Variants in DPYSL2 observed in about 807,000 individuals in gnomAD.
DPYSL2 encodes dihydropyrimidinase-related protein 2.
A neutral mutation model predicts 69.9 loss-of-function variants in DPYSL2; 13 were observed. The ratio of observed to expected loss-of-function variants is 0.19; its 90% confidence interval spans 0.12 to 0.30. The LOEUF (loss-of-function observed/expected upper bound fraction) is 0.30. Ranked by LOEUF, DPYSL2 falls within the 10% of genes least tolerant of loss-of-function variation. The pLI, the probability that DPYSL2 is intolerant of heterozygous loss-of-function variation, is 1.00. For missense variants in DPYSL2, 587 were observed against 918.9 expected, an observed-to-expected ratio of 0.64 and a Z score of 4.67; for synonymous variants, 326 against 359.1, an observed-to-expected ratio of 0.91 and a Z score of 1.04.
intron 3 of DPYSL2, among the ~76,000 whole-genome samples, chr8:26,622,468 G>GTA (rs1452771557): frequency 3.8e-5 from 4 of 104,526 alleles, no homozygotes; most frequent in African/African-American, 1.3e-4. Context: ...GTGTGTGTGT[G>GTA]TGTGTATATG....
At chr8:26,634,935 G>A in intron 8 of DPYSL2, 35 bp downstream of exon 8, 1 of 1,612,412 alleles carries the variant, frequency 6.2e-7, no homozygotes, top group Non-Finnish European at 8.5e-7. Flanking sequence ...GATGGCAGGT[G>A]GGGAGGTTTG....
rs1279597902 is a variant in DPYSL2 at position 26,598,837 on chromosome 8, G to C, written c.628+14854G>C. 6.6e-6 allele frequency among the ~76,000 whole-genome samples: 1 copy of C among 152,084 alleles called. No individual in the cohort carries two copies. The highest frequency in any genetic ancestry group is 1.5e-5 in the Non-Finnish European group (1 of 68,018). On this transcript the variant is annotated intron_variant, in intron 3 of 13. Transcript: ENST00000521913. This position sits in a 1 kb window ranked among gnomAD's most constrained non-coding sequence, Gnocchi z 4.2. Reference sequence around the variant, plus strand: ...TTCATTTTGCAGGCGGTGGGGGTGGGGGAATGAAAGCCCAGAAAGGGATGT... The same window carrying C: ...TTCATTTTGCAGGCGGTGGGGGTGGCGGAATGAAAGCCCAGAAAGGGATGT...
intron 3 of DPYSL2, among the ~76,000 whole-genome samples, chr8:26,606,558 C>G (rs1248956588): frequency 6.6e-6 from 1 of 151,942 alleles, no homozygotes. Flanking sequence ...AAAAAGCATG[C>G]TTTAATAGAA....
rs973182089 is a variant in DPYSL2, at chr8:26,654,970, T to C, written c.1943-645T>C. On this transcript the variant is annotated intron_variant, in intron 13 of 13. Transcript: ENST00000521913. This position sits in a 1 kb window ranked among gnomAD's most constrained non-coding sequence, Gnocchi z 5.0. ...GATCCTCCCAGCTCAGCCTCCCCAG[T>C]AGCTGGTACTACAGGCTTGCACCAT... 6.6e-6 allele frequency among the ~76,000 whole-genome samples: 1 copy of C among 152,062 alleles called. No homozygotes were observed.
intron 1 of DPYSL2, chr8:26,578,529 C>T (rs2129718294): frequency 7.1e-7 from 1 of 1,413,070 alleles, no homozygotes. Context: ...CGAAGGTAGC[C>T]TTAGGTAACG....
chr8:26,595,171 T>C (rs1181116673), intron 3 of DPYSL2, among the ~76,000 whole-genome samples: 1 of 152,038 alleles, frequency 6.6e-6, no homozygotes, highest in African/African-American at 2.4e-5. Flanking sequence ...TGCAGTGAGC[T>C]ATGATTGTGC....
intron 1 of DPYSL2, 122 bp from the exon 2 acceptor site, chr8:26,581,847 A>C (rs570959014): frequency 2.3e-5 from 18 of 771,190 alleles, no homozygotes; most frequent in Non-Finnish European, 3.6e-5. Context: ...GAACCTTTCC[A>C]AAATGGGCTT....
intron 1 of DPYSL2, among the ~76,000 whole-genome samples, chr8:26,572,208 A>G (rs1801247712): frequency 6.6e-6 from 1 of 152,256 alleles, no homozygotes; most frequent in Non-Finnish European, 1.5e-5. Context: ...CCACAGAAGC[A>G]GAAATGGCTA....
At chr8:26,655,588 C>T (rs372365005) in intron 13 of DPYSL2, 27 bp from the exon 14 acceptor site, 88 of 1,578,972 alleles carry the variant, frequency 5.6e-5, no homozygotes, top group African/African-American at 4.4e-4. Flanking sequence ...GCCCCTCACC[C>T]GCTCCTCTCT....
At chr8:26,575,712 TAAATAACA>T (rs954368997) in intron 1 of DPYSL2, among the ~76,000 whole-genome samples, 10 of 152,290 alleles carry the variant, frequency 6.6e-5, no homozygotes, top group African/African-American at 2.2e-4. Context: ...GGTAAACTGG[TAAATAACA>T]AGATATATTT....
At position 26,598,175 on chromosome 8, in the gene DPYSL2, C is replaced by T. The variant is rs377426610; in HGVS notation, c.628+14192C>T. On this transcript the variant is annotated intron_variant, in intron 3 of 13. Coordinates refer to ENST00000521913, the MANE Select transcript of DPYSL2 (RefSeq NM_001197293.3). The surrounding 1 kb of genome is among the most constrained non-coding windows in gnomAD (Gnocchi z 4.2). Reference sequence around the variant, plus strand: ...CCTTCACCCCAGTTTTGCTCCTGACCGTTGAAGCTTTTTATATTGACCCGT... The same window carrying T: ...CCTTCACCCCAGTTTTGCTCCTGACTGTTGAAGCTTTTTATATTGACCCGT... Among the ~76,000 whole-genome samples, 10 of 152,102 alleles carry T rather than the reference C, an allele frequency of 6.6e-5. No individual in the cohort carries two copies. The highest frequency in any genetic ancestry group is 1.3e-4 in the Admixed American group (2 of 15,282).
rs753749332 is a variant in DPYSL2, at chr8:26,648,429, A to T, written c.1596+629A>T. On this transcript the variant is annotated intron_variant, in intron 11 of 13. Coordinates refer to ENST00000521913, the MANE Select transcript of DPYSL2 (RefSeq NM_001197293.3). The surrounding 1 kb of genome is among the most constrained non-coding windows in gnomAD (Gnocchi z 4.3). ...TCTCTTGTTAACAGGACCCAGGGCAAGTCTGTTAATGTCTTACGCTCCTCA... is the reference window on the plus strand; with the variant it reads ...TCTCTTGTTAACAGGACCCAGGGCATGTCTGTTAATGTCTTACGCTCCTCA... 1.3e-5 allele frequency among the ~76,000 whole-genome samples: 2 copies of T among 152,254 alleles called. No homozygotes were observed. The highest frequency in any genetic ancestry group is 3.9e-4 in the East Asian group (2 of 5,188).
Position 26,647,898 on chromosome 8 carries a change from G to C in DPYSL2, c.1596+98G>C. On this transcript the variant is annotated intron_variant, in intron 11 of 13. Transcript: ENST00000521913. The surrounding 1 kb of genome is among the most constrained non-coding windows in gnomAD (Gnocchi z 5.1). ...CCAGGGTTTCTAAAAAGAACTTGCT[G>C]TGATGGGAATGCGCTCGACTGAGGA... 7.1e-7 allele frequency: 1 copy of C among 1,415,264 alleles called. No individual in the cohort carries two copies. The highest frequency in any genetic ancestry group is 1.4e-5 in the South Asian group (1 of 70,814). 87.7% of individuals were successfully genotyped at this position (1,415,264 alleles called of 1,614,324 possible). A position where few individuals can be genotyped will look rare whatever the true frequency, so the allele number is the denominator to read the frequency against.
intron 1 of DPYSL2, among the ~76,000 whole-genome samples, chr8:26,526,696 C>T (rs761325341): frequency 2.6e-5 from 4 of 152,220 alleles, no homozygotes; most frequent in Non-Finnish European, 4.4e-5. Context: ...TTAATTGCTA[C>T]TTGAGCATAT....
intron 1 of DPYSL2, among the ~76,000 whole-genome samples, chr8:26,522,544 G>A (rs1003226957): frequency 4.6e-5 from 7 of 152,192 alleles, no homozygotes; most frequent in Non-Finnish European, 8.8e-5. Flanking sequence ...TAACCATCAC[G>A]TGGGTGGGAA....
chr8:26,639,719 C>T (rs1029667940), intron 8 of DPYSL2, among the ~76,000 whole-genome samples: 2 of 152,178 alleles, frequency 1.3e-5, no homozygotes, highest in Non-Finnish European at 2.9e-5. Context: ...CTGCTACACA[C>T]CCACCTAGAA....
At chr8:26,636,833 T>C (rs1802929877) in intron 8 of DPYSL2, among the ~76,000 whole-genome samples, 1 of 152,148 alleles carries the variant, frequency 6.6e-6, no homozygotes, top group South Asian at 2.1e-4. Context: ...CTCCGCCTCC[T>C]GGACTCAAGC....
In DPYSL2 at chr8:26,610,593, C is replaced by T. The variant is rs769983068; in HGVS notation, c.629-13550C>T. 1.5e-4 allele frequency among the ~76,000 whole-genome samples: 23 copies of T among 152,228 alleles called. No homozygotes were observed. The highest frequency in any genetic ancestry group is 2.6e-4 in the Non-Finnish European group (18 of 68,016). On this transcript the variant is annotated intron_variant, in intron 3 of 13. Transcript: ENST00000521913. The surrounding 1 kb of genome is among the most constrained non-coding windows in gnomAD (Gnocchi z 4.5). Reference sequence around the variant, plus strand: ...CCCTCCACCCTCCTTCCCTCAATCACGCCTTTATCCAGTCCCTTCCCACGC... The same window carrying T: ...CCCTCCACCCTCCTTCCCTCAATCATGCCTTTATCCAGTCCCTTCCCACGC...
Position 26,588,954 on chromosome 8 carries a change from C to T in DPYSL2, c.628+4971C>T, listed in dbSNP as rs543725918. Among the ~76,000 whole-genome samples, 24 of 152,206 alleles carry T rather than the reference C, an allele frequency of 1.6e-4. No homozygotes were observed. The highest frequency in any genetic ancestry group is 2.2e-4 in the Non-Finnish European group (15 of 68,046). Reference sequence around the variant, plus strand: ...CACACAGATTTGACTTTTGTCACCTCTTCCTGGATTTTGGCCCTGTCCTCT... The same window carrying T: ...CACACAGATTTGACTTTTGTCACCTTTTCCTGGATTTTGGCCCTGTCCTCT... On this transcript the variant is annotated intron_variant, in intron 3 of 13. Transcript: ENST00000521913. This position sits in a 1 kb window ranked among gnomAD's most constrained non-coding sequence, Gnocchi z 5.4.
Sources: gnomAD v4.1 joint callset for allele counts (sites outside exome capture counted in the v4.1 genomes callset) on GRCh38, gnomAD v4.1.1 for gene constraint, Gnocchi (gnomAD v3.1) non-coding constraint, MANE v1.5 for transcripts, NCBI Gene and HGNC (gene_info 2026-07-23, HGNC 2026-07-21) for gene names.